Variants in DNAH7 observed in about 807,000 individuals in gnomAD.
DNAH7 encodes axonemal beta dynein heavy chain 7.
A neutral mutation model predicts 444.6 loss-of-function variants in DNAH7; 397 were observed. The ratio of observed to expected loss-of-function variants is 0.89; its 90% confidence interval spans 0.82 to 0.97. The LOEUF (loss-of-function observed/expected upper bound fraction) is 0.97, where lower values mean the gene tolerates loss of function less well. Ranked by LOEUF, DNAH7 falls within the 50% of genes least tolerant of loss-of-function variation. The pLI is 0.00. For missense variants in DNAH7, 4,902 were observed against 4,800.8 expected, an observed-to-expected ratio of 1.02 and a Z score of -0.62; for synonymous variants, 1,636 against 1,624.4, an observed-to-expected ratio of 1.01 and a Z score of -0.17.
chr2:196,024,433 C>T lies in DNAH7; in HGVS notation c.739G>A (p.Ala247Thr). 6.3e-7 allele frequency: 1 copy of T among 1,581,164 alleles called. No homozygotes were observed. The highest frequency in any genetic ancestry group is 1.2e-5 in the South Asian group (1 of 84,112). The change falls in exon 8 of 65, where the codon GCT becomes ACT. Residue 247 changes from alanine (A) to threonine (T), a missense_variant. Ala to Thr is a moderately conservative substitution (Grantham distance 58). Transcript: ENST00000312428. The stretch of plus-strand genomic sequence containing the variant: ...TAGAGAAATCTGATCACTTACTCAG[C>T]ACGATGGGCTGGAAGTTCATCTGTC... ...KKTDELPAHR[A>T]EMEILPKPWR...
chr2:195,887,687 T>C (rs911417253), intron 33 of DNAH7, among the ~76,000 whole-genome samples: 8 of 152,162 alleles, frequency 5.3e-5, no homozygotes, highest in Non-Finnish European at 1.2e-4. Context: ...TTGGTCAGCA[T>C]CTCCCAAAGC....
chr2:195,977,919 G>A (rs1692309420), intron 15 of DNAH7, among the ~76,000 whole-genome samples: 1 of 152,028 alleles, frequency 6.6e-6, no homozygotes, highest in Admixed American at 6.6e-5. Flanking sequence ...AACATAAAGG[G>A]GAAAGAAGAA....
At position 196,012,818 on chromosome 2, in the gene DNAH7, T is replaced by C. The variant is rs543019439; in HGVS notation, c.958A>G (p.Met320Val). 3.1e-6 allele frequency: 5 copies of C among 1,593,052 alleles called. No individual in the cohort carries two copies. In the East Asian group the frequency reaches 6.9e-5, roughly 22 times the overall value. The change falls in exon 10 of 65, where the codon ATG becomes GTG. Residue 320 changes from methionine (M) to valine (V), a missense_variant. By Grantham distance (21) the Met-to-Val change is conservative. Coordinates refer to ENST00000312428, the MANE Select transcript of DNAH7 (RefSeq NM_018897.3). ...AGTAGAGTCTCTTTGGCAGAGTCCA[T>C]GTGTCTCATGATAATGTTCTGAAAA... is the stretch of plus-strand genomic sequence containing the variant. ...SSFQNIIMRH[M>V]DSAKETLLKM...
Position 195,926,426 on chromosome 2 carries a change from C to A in DNAH7, c.3612G>T (p.Lys1204Asn). The A allele has an allele frequency of 6.4e-7, 1 of 1,569,570 alleles. No individual in the cohort carries two copies. The highest frequency in any genetic ancestry group is 8.6e-7 in the Non-Finnish European group (1 of 1,161,478). Residue 1204 changes from lysine to asparagine, a missense_variant and splice_region_variant, in exon 22 of 65, where the codon AAG (lysine) becomes AAT (asparagine). Lys to Asn is a moderately conservative substitution (Grantham distance 94, BLOSUM62 0). Coordinates refer to ENST00000312428, the MANE Select transcript of DNAH7 (RefSeq NM_018897.3). ...AACCCGAGGGTTAATAAAACCTTAC[C>A]TTTATCCCCATTGGAATAGCTGTTT... The part of the protein sequence containing the change: ...EVQTAIPMGI[K>N]ALEQYLKTCN...
chr2:195,828,483 G>C (rs1697893031), intron 48 of DNAH7, among the ~76,000 whole-genome samples: 1 of 151,888 alleles, frequency 6.6e-6, no homozygotes, highest in African/African-American at 2.4e-5. Flanking sequence ...TACTCGGGAG[G>C]CTGAGGCAGG....
At chr2:196,028,743 T>C (rs1648435660) in intron 5 of DNAH7, among the ~76,000 whole-genome samples, 2 of 152,166 alleles carry the variant, frequency 1.3e-5, no homozygotes, top group South Asian at 4.1e-4. Context: ...ACTGTATCAT[T>C]CTCTGGATCT....
intron 45 of DNAH7, 106 bp downstream of exon 45, chr2:195,855,705 C>A: frequency 7.8e-7 from 1 of 1,284,232 alleles, no homozygotes; most frequent in Non-Finnish European, 1.1e-6. Context: ...TTTGCCAATC[C>A]CTGACCAGGA....
chr2:195,933,795 T>C (rs1688863579), intron 21 of DNAH7, among the ~76,000 whole-genome samples: 1 of 151,724 alleles, frequency 6.6e-6, no homozygotes, highest in Non-Finnish European at 1.5e-5. Context: ...ATATACCTAA[T>C]GTTAAATGAC....
intron 49 of DNAH7, among the ~76,000 whole-genome samples, chr2:195,820,778 G>T (rs909505585): frequency 2.0e-5 from 3 of 152,120 alleles, no homozygotes; most frequent in African/African-American, 7.2e-5. Flanking sequence ...ATTTTAATTC[G>T]AATCATAAAA....
chr2:195,951,944 T>C (rs542721959), intron 19 of DNAH7, among the ~76,000 whole-genome samples: 10 of 152,290 alleles, frequency 6.6e-5, no homozygotes, highest in African/African-American at 1.9e-4. Context: ...AAGGTTAATA[T>C]AGTTATGTGT....
rs752482296 is a variant in DNAH7 at position 195,857,692 on chromosome 2, G to C, written c.8099C>G (p.Pro2700Arg). 1 of 1,610,486 alleles carries C rather than the reference G, an allele frequency of 6.2e-7. No individual in the cohort carries two copies. The highest frequency in any genetic ancestry group is 1.3e-5 in the African/African-American group (1 of 74,682). Residue 2700 changes from proline (P) to arginine (R), a missense_variant, in exon 44 of 65, where the codon CCT (proline) becomes CGT (arginine). Physicochemically the swap from Pro to Arg is moderately radical, Grantham distance 103 (BLOSUM62 -2). Coordinates refer to ENST00000312428, the MANE Select transcript of DNAH7 (RefSeq NM_018897.3). ...CATAACAAGCTTGACACCAGCAGGA[G>C]GACTCTTCATGGATTTTACCACTGT... ...DITVVKSMKS[P>R]PAGVKLVMEA...
intron 3 of DNAH7, among the ~76,000 whole-genome samples, chr2:196,049,808 C>A (rs1050114591): frequency 6.6e-6 from 1 of 152,026 alleles, no homozygotes; most frequent in Non-Finnish European, 1.5e-5. Flanking sequence ...CATAGATATT[C>A]GATAAGAAAA....
chr2:195,969,281 AT>A (rs1361425211), intron 17 of DNAH7, among the ~76,000 whole-genome samples: 5 of 152,226 alleles, frequency 3.3e-5, no homozygotes, highest in Non-Finnish European at 5.9e-5. Flanking sequence ...ATGTTGACAT[AT>A]TTGTGATTAT....
At chr2:195,980,428 T>G (rs560699487) in intron 15 of DNAH7, among the ~76,000 whole-genome samples, 3 of 152,288 alleles carry the variant, frequency 2.0e-5, no homozygotes, top group African/African-American at 7.2e-5. Context: ...TTATAAGTCA[T>G]CCAGTCTCAG....
At chr2:196,036,318 G>T (rs1361113293) in intron 5 of DNAH7, among the ~76,000 whole-genome samples, 14 of 152,110 alleles carry the variant, frequency 9.2e-5, no homozygotes. Context: ...ACAGGCATGA[G>T]CAACTGTGCC....
At chr2:195,874,262 A>G (rs1027678679) in intron 38 of DNAH7, among the ~76,000 whole-genome samples, 1 of 152,206 alleles carries the variant, frequency 6.6e-6, no homozygotes, top group African/African-American at 2.4e-5. Context: ...TTTCCACAAA[A>G]TAATGAAAGA....
At chr2:195,881,680 G>A in intron 36 of DNAH7, 115 bp downstream of exon 36, 1 of 1,089,100 alleles carries the variant, frequency 9.2e-7, no homozygotes, top group Non-Finnish European at 1.3e-6. Context: ...AAAATTCTCT[G>A]CAGTTCAAAC....
intron 5 of DNAH7, among the ~76,000 whole-genome samples, chr2:196,041,539 C>A (rs532240905): frequency 1.3e-5 from 2 of 152,102 alleles, no homozygotes; most frequent in South Asian, 4.2e-4. Flanking sequence ...CTATCTCTCA[C>A]CATCTACAAA....
intron 43 of DNAH7, 36 bp downstream of exon 43, chr2:195,858,438 A>G (rs1050018493): frequency 3.4e-6 from 5 of 1,486,274 alleles, no homozygotes; most frequent in Non-Finnish European, 4.5e-6. Context: ...GGCTATGATG[A>G]CATGTGTCCT....
Sources: gnomAD v4.1 joint callset for allele counts (sites outside exome capture counted in the v4.1 genomes callset) on GRCh38, gnomAD v4.1.1 for gene constraint, MANE v1.5 for transcripts, NCBI Gene and HGNC (gene_info 2026-07-23, HGNC 2026-07-21) for gene names.